Variants in ADGRL3 observed in about 807,000 individuals in gnomAD.
ADGRL3 encodes the protein calcium-independent alpha-latrotoxin receptor 3.
In ADGRL3, 62 loss-of-function variants were observed where a neutral mutation model predicts 153.5. That is an observed-to-expected ratio of 0.40 (90% CI 0.33 to 0.50). ADGRL3 has a LOEUF of 0.50. Ranked by LOEUF, ADGRL3 falls within the 20% of genes least tolerant of loss-of-function variation. ADGRL3 has a pLI of 0.47. For synonymous variants in ADGRL3, 710 were observed against 672.5 expected, an observed-to-expected ratio of 1.06 and a Z score of -0.86; for missense variants, 1,641 against 1,859.4, an observed-to-expected ratio of 0.88 and a Z score of 2.16.
chr4:61,812,101 C>T (rs1234011990), intron 8 of ADGRL3, among the ~76,000 whole-genome samples: 1 of 152,122 alleles, frequency 6.6e-6, no homozygotes, highest in African/African-American at 2.4e-5. Flanking sequence ...CAATATGTTA[C>T]ATAGGACAAG....
chr4:62,011,663 A>C (rs915393207), intron 21 of ADGRL3, among the ~76,000 whole-genome samples: 3 of 152,130 alleles, frequency 2.0e-5, no homozygotes, highest in South Asian at 2.1e-4. Flanking sequence ...ATCTGTATCA[A>C]ATAAATCTCT....
chr4:61,990,738 C>T lies in ADGRL3; in HGVS notation c.3237-5553C>T, dbSNP rs549174769. 7.9e-5 allele frequency among the ~76,000 whole-genome samples: 12 copies of T among 151,710 alleles called. No homozygotes were observed. The South Asian group carries it at 2.5e-3, about 32-fold the overall frequency. ...TGAGAATTTATAATTATCAACCAAT[C>T]GACACCTTTAGTTGTTTTATAACTT... On this transcript the variant is annotated intron_variant, in intron 19 of 26. Transcript: ENST00000683033.
At chr4:61,475,245 G>T (rs2098031616) in intron 2 of ADGRL3, among the ~76,000 whole-genome samples, 1 of 152,082 alleles carries the variant, frequency 6.6e-6, no homozygotes, top group Non-Finnish European at 1.5e-5. Flanking sequence ...AAAAGTATTT[G>T]TTTAAATCAT....
chr4:61,441,579 G>T (rs1289340911), intron 2 of ADGRL3, among the ~76,000 whole-genome samples: 1 of 151,540 alleles, frequency 6.6e-6, no homozygotes, highest in African/African-American at 2.4e-5. Context: ...GAGTGCAGTG[G>T]TGCGATCTCA....
At chr4:61,789,437 G>A (rs575389213) in intron 8 of ADGRL3, among the ~76,000 whole-genome samples, 1 of 152,142 alleles carries the variant, frequency 6.6e-6, no homozygotes, top group South Asian at 2.1e-4. Flanking sequence ...CAATTGCTTT[G>A]AGTATTATAA....
At chr4:61,735,905 A>T (rs1480351055) in intron 8 of ADGRL3, among the ~76,000 whole-genome samples, 1 of 152,074 alleles carries the variant, frequency 6.6e-6, no homozygotes, top group Non-Finnish European at 1.5e-5. Context: ...TTCTTAACTC[A>T]GTTTTATTAA....
intron 8 of ADGRL3, among the ~76,000 whole-genome samples, chr4:61,804,297 A>G (rs1032825637): frequency 3.3e-5 from 5 of 152,188 alleles, no homozygotes; most frequent in Non-Finnish European, 5.9e-5. Flanking sequence ...GATCTCAATC[A>G]GCTAACTAAC....
intron 17 of ADGRL3, among the ~76,000 whole-genome samples, chr4:61,959,244 T>C (rs1054482581): frequency 7.2e-5 from 11 of 152,176 alleles, no homozygotes; most frequent in African/African-American, 2.7e-4. Flanking sequence ...AAATTAACAT[T>C]TCTACTGTGG....
chr4:61,620,529 T>G (rs1040531755), intron 5 of ADGRL3, among the ~76,000 whole-genome samples: 6 of 152,068 alleles, frequency 3.9e-5, no homozygotes, highest in East Asian at 3.8e-4. Flanking sequence ...TACCAGTGTC[T>G]CTTTTATGCT....
intron 17 of ADGRL3, among the ~76,000 whole-genome samples, chr4:61,966,162 G>A (rs982251223): frequency 2.6e-5 from 4 of 152,110 alleles, no homozygotes; most frequent in African/African-American, 4.8e-5. Flanking sequence ...ATGGGTGTGC[G>A]TATGTGCACA....
At chr4:61,534,501 G>A (rs935736105) in intron 4 of ADGRL3, among the ~76,000 whole-genome samples, 6 of 151,938 alleles carry the variant, frequency 3.9e-5, no homozygotes, top group Admixed American at 2.6e-4. Context: ...GATAGGAAAT[G>A]CACTGAATCT....
rs779008778 is a variant in ADGRL3 at position 62,001,860 on chromosome 4, CT to C, written c.3395+3597del. 6.6e-5 allele frequency among the ~76,000 whole-genome samples: 10 copies of C among 152,172 alleles called. No individual in the cohort carries two copies. In the East Asian group the frequency reaches 7.7e-4, roughly 12 times the overall value. On this transcript the variant is annotated intron_variant, in intron 21 of 26. Coordinates refer to ENST00000683033, the MANE Select transcript of ADGRL3 (RefSeq NM_001387552.1). ...TAAAATGGTGAACAAGACAGGCCCC[CT>C]TGTTCAATTCATTAAGAATAAAAAA...
chr4:61,977,533 T>G (rs1294245556), intron 17 of ADGRL3, among the ~76,000 whole-genome samples: 4 of 152,188 alleles, frequency 2.6e-5, no homozygotes, highest in African/African-American at 9.7e-5. Context: ...TGACTTGAGC[T>G]CCTTCTGAGA....
chr4:61,965,033 C>G (rs1560439806), intron 17 of ADGRL3, among the ~76,000 whole-genome samples: 3 of 152,042 alleles, frequency 2.0e-5, no homozygotes, highest in Non-Finnish European at 2.9e-5. Flanking sequence ...CAGGATCTCA[C>G]TCTTTCACTC....
intron 8 of ADGRL3, among the ~76,000 whole-genome samples, chr4:61,748,349 A>G (rs1199335351): frequency 6.6e-6 from 1 of 151,932 alleles, no homozygotes; most frequent in African/African-American, 2.4e-5. Context: ...ACAGAACTGG[A>G]AAAAAACTAC....
intron 2 of ADGRL3, among the ~76,000 whole-genome samples, chr4:61,422,622 T>C (rs1341905777): frequency 6.6e-6 from 1 of 152,108 alleles, no homozygotes; most frequent in African/African-American, 2.4e-5. Flanking sequence ...AATAAGCATT[T>C]GAGACTAATG....
chr4:61,575,635 T>A (rs1004957935), intron 4 of ADGRL3, among the ~76,000 whole-genome samples: 3 of 152,070 alleles, frequency 2.0e-5, no homozygotes, highest in African/African-American at 7.2e-5. Flanking sequence ...TCTCAAACGG[T>A]GCTCAATTTT....
chr4:61,967,040 T>G (rs1260250154), intron 17 of ADGRL3, among the ~76,000 whole-genome samples: 2 of 152,156 alleles, frequency 1.3e-5, no homozygotes, highest in Non-Finnish European at 2.9e-5. Flanking sequence ...AAAATATGCT[T>G]AGTACACCAT....
At chr4:61,966,573 G>GGGGT (rs2099007497) in intron 17 of ADGRL3, among the ~76,000 whole-genome samples, 2 of 145,938 alleles carry the variant, frequency 1.4e-5, no homozygotes, top group East Asian at 2.0e-4. Flanking sequence ...TTTCAAAAGG[G>GGGGT]GTGTGTGTGT....
Sources: gnomAD v4.1 joint callset for allele counts (sites outside exome capture counted in the v4.1 genomes callset) on GRCh38, gnomAD v4.1.1 for gene constraint, MANE v1.5 for transcripts, NCBI Gene and HGNC (gene_info 2026-07-23, HGNC 2026-07-21) for gene names.